The following GMPS variants were observed in gnomAD, a reference collection of about 807,000 sequenced individuals.
The protein encoded by GMPS is guanosine monophosphate synthase.
A neutral mutation model predicts 77.9 loss-of-function variants in GMPS; 15 were observed. The ratio of observed to expected loss-of-function variants is 0.19; its 90% confidence interval spans 0.13 to 0.30. The LOEUF (loss-of-function observed/expected upper bound fraction) is 0.30. GMPS is among the 10% of genes least tolerant of loss of function. The pLI is 1.00. For missense variants in GMPS, 590 were observed against 838.8 expected (o/e 0.70, Z 3.66); for synonymous variants, 224 against 275.9 (o/e 0.81, Z 1.86).
rs532196846 is a variant in GMPS at position 155,903,113 on chromosome 3, T to C, written c.325-750T>C. Among the ~76,000 whole-genome samples the C allele has an allele frequency of 2.4e-4, 37 of 152,344 alleles. 1 individual carries two copies. Among genetic ancestry groups the C allele is most frequent in the African/African-American group, 8.2e-4 (34 of 41,582 alleles). On this transcript the variant is annotated intron_variant, in intron 3 of 15. Transcript: ENST00000496455. ...GCATTACACATTGTTAAGGCAGATA[T>C]CTTCTGATATCTGTTGTGGAACAGA...
chr3:155,890,588 C>T (rs1754440669), intron 1 of GMPS, among the ~76,000 whole-genome samples: 1 of 152,230 alleles, frequency 6.6e-6, no homozygotes, highest in Admixed American at 6.5e-5. Flanking sequence ...TTAAACAGCA[C>T]TTCTCTGTGT....
At chr3:155,918,650 A>G (rs953336021) in intron 9 of GMPS, among the ~76,000 whole-genome samples, 2 of 152,184 alleles carry the variant, frequency 1.3e-5, no homozygotes, top group African/African-American at 4.8e-5. Flanking sequence ...GTTCGAGGAT[A>G]TAAGTGTAGG....
In GMPS at chr3:155,911,256, A is replaced by G. The variant is rs369699211; in HGVS notation, c.863A>G (p.Lys288Arg). The change falls in exon 7 of 16, where the codon AAA (lysine) becomes AGA (arginine). Residue 288 changes from lysine to arginine, a missense_variant. This residue lies in a region of GMPS where 181 missense variants were observed against 186.8 expected (regional missense o/e 0.97). Transcript: ENST00000496455. ...RESQSVEEAL[K>R]KLGIQVKVIN... The stretch of plus-strand genomic sequence containing the variant: ...AGCCAGTCTGTTGAAGAGGCCCTCA[A>G]AAAGCTTGGAATTCAGGTCAAAGGT... 37 of 1,608,876 alleles carry G rather than the reference A, an allele frequency of 2.3e-5. No individual in the cohort carries two copies. Among genetic ancestry groups the G allele is most frequent in the South Asian group, 4.5e-5 (4 of 89,712 alleles).
chr3:155,912,888 A>G (rs1207909251), intron 7 of GMPS, among the ~76,000 whole-genome samples: 1 of 152,160 alleles, frequency 6.6e-6, no homozygotes, highest in Non-Finnish European at 1.5e-5. Flanking sequence ...GGGTTAGCCT[A>G]AAACAGGGAT....
At chr3:155,922,643 TA>T (rs1225898250) in intron 11 of GMPS, among the ~76,000 whole-genome samples, 1 of 152,200 alleles carries the variant, frequency 6.6e-6, no homozygotes, top group Admixed American at 6.5e-5. Context: ...TGAGGACAGC[TA>T]CTAATCCTTT....
chr3:155,923,919 T>C (rs925222892), intron 11 of GMPS, among the ~76,000 whole-genome samples: 14 of 152,216 alleles, frequency 9.2e-5, no homozygotes, highest in African/African-American at 3.4e-4. Flanking sequence ...TTGCTCTTGT[T>C]GCCCAGGCTG....
intron 11 of GMPS, among the ~76,000 whole-genome samples, chr3:155,923,995 C>T (rs1239050833): frequency 2.6e-5 from 4 of 152,208 alleles, no homozygotes; most frequent in Non-Finnish European, 5.9e-5. Flanking sequence ...ATTCTCCTGC[C>T]TCAGCCTCCC....
intron 11 of GMPS, 36 bp downstream of exon 11, chr3:155,922,338 G>A (rs772264270): frequency 2.9e-5 from 24 of 820,156 alleles, no homozygotes; most frequent in Non-Finnish European, 4.4e-5. Context: ...ACAAGAAATT[G>A]AACGGATTCT....
At chr3:155,919,662 G>A (rs1355473715) in intron 10 of GMPS, among the ~76,000 whole-genome samples, 1 of 152,122 alleles carries the variant, frequency 6.6e-6, no homozygotes, top group South Asian at 2.1e-4. Flanking sequence ...AGTAGAGCTA[G>A]GATTTGTTAT....
Position 155,942,222 on chromosome 3 carries a change from G to T in GMPS, c.*4530G>T, listed in dbSNP as rs1446124922. On this transcript the variant is annotated 3_prime_UTR_variant, in exon 16 of 16. Coordinates refer to ENST00000496455, the MANE Select transcript of GMPS (RefSeq NM_003875.3). Reference sequence around the variant, plus strand: ...CTGCCTCAGTCTCCCGAGTAGCTGGGACTACAGGCGCCCGCCACTACGCCC... The same window carrying T: ...CTGCCTCAGTCTCCCGAGTAGCTGGTACTACAGGCGCCCGCCACTACGCCC... 5.5e-6 allele frequency: 1 copy of T among 181,586 alleles called. No homozygotes were observed. The highest frequency in any genetic ancestry group is 1.2e-5 in the Non-Finnish European group (1 of 85,304). The allele number at this position is 181,586 out of a possible 1,614,324, so 11.2% of individuals were successfully genotyped here. A position where few individuals can be genotyped will look rare whatever the true frequency, so the allele number is the denominator to read the frequency against.
intron 10 of GMPS, among the ~76,000 whole-genome samples, chr3:155,920,940 T>C (rs1755304627): frequency 6.6e-6 from 1 of 152,310 alleles, no homozygotes; most frequent in African/African-American, 2.4e-5. Flanking sequence ...TATCAACTTT[T>C]AAGTATTTGG....
intron 3 of GMPS, among the ~76,000 whole-genome samples, chr3:155,899,446 A>G (rs1191392097): frequency 7.4e-6 from 1 of 136,000 alleles, no homozygotes; most frequent in South Asian, 2.2e-4. Context: ...TTTTTTTTTC[A>G]ATTACTTTGT....
At chr3:155,929,922 GAAA>G (rs1385824533) in intron 12 of GMPS, among the ~76,000 whole-genome samples, 46 of 142,572 alleles carry the variant, frequency 3.2e-4, no homozygotes, top group Middle Eastern at 3.4e-3. Flanking sequence ...TCAATATCGT[GAAA>G]ATGGCCATAC....
chr3:155,943,248 ATTTG>A lies in GMPS; in HGVS notation c.*5559_*5562del, dbSNP rs995506279. 1 of 179,610 alleles carries A rather than the reference ATTTG, an allele frequency of 5.6e-6. No homozygotes were observed. The highest frequency in any genetic ancestry group is 1.2e-5 in the Non-Finnish European group (1 of 83,814). The allele number at this position is 179,610 out of a possible 1,614,324, so 11.1% of individuals were successfully genotyped here. ...CTCCGTCTTAAAACAAAAACAACAT[ATTTG>A]TTCACTTTTGAACCCTGTGGTGTCT... On this transcript the variant is annotated 3_prime_UTR_variant, in exon 16 of 16. Transcript: ENST00000496455.
Position 155,893,680 on chromosome 3 carries a change from A to T in GMPS, c.190A>T (p.Ile64Leu). The T allele has an allele frequency of 6.2e-7, 1 of 1,603,774 alleles. No homozygotes were observed. Among genetic ancestry groups the T allele is most frequent in the South Asian group, 1.1e-5 (1 of 90,192 alleles). Reference protein sequence around the residue: ...IFPLETPAFAIKEQGFRAIII... With the variant: ...IFPLETPAFALKEQGFRAIII... Reference sequence around the variant, plus strand: ...CCCCTTGGAAACACCAGCATTTGCTATAAAGGAACAAGGATTCCGGTAGAC... The same window carrying T: ...CCCCTTGGAAACACCAGCATTTGCTTTAAAGGAACAAGGATTCCGGTAGAC... The change falls in exon 2 of 16, where the codon ATA (isoleucine) becomes TTA (leucine). Residue 64 changes from isoleucine to leucine, a missense_variant. By Grantham distance (5) the Ile-to-Leu change is conservative. Coordinates refer to ENST00000496455, the MANE Select transcript of GMPS (RefSeq NM_003875.3).
intron 1 of GMPS, among the ~76,000 whole-genome samples, chr3:155,882,737 A>G (rs115452161): frequency 0.075 from 11,350 of 152,306 alleles, 548 homozygotes; most frequent in Middle Eastern, 0.19. Flanking sequence ...ATGGATGCTT[A>G]TATAAAACTT....
chr3:155,880,839 T>C (rs1754192684), intron 1 of GMPS, among the ~76,000 whole-genome samples: 2 of 152,194 alleles, frequency 1.3e-5, no homozygotes, highest in Admixed American at 6.5e-5. Context: ...AGGTTAATAG[T>C]GCTTCTCAGT....
intron 1 of GMPS, 69 bp from the exon 2 acceptor site, chr3:155,893,448 TA>T: frequency 2.0e-6 from 2 of 1,009,720 alleles, no homozygotes; most frequent in South Asian, 1.9e-5. Flanking sequence ...CAGTGATCAT[TA>T]ATTTTTTTTT....
intron 1 of GMPS, among the ~76,000 whole-genome samples, chr3:155,889,185 C>T (rs1754407507): frequency 6.6e-6 from 1 of 152,160 alleles, no homozygotes; most frequent in Admixed American, 6.5e-5. Flanking sequence ...AAAATTATGG[C>T]ACTTGTTTCC....
Sources: allele counts gnomAD v4.1 joint callset (sites outside exome capture counted in the v4.1 genomes callset), GRCh38; gene constraint gnomAD v4.1.1; regional missense constraint gnomAD v4.1.1; transcripts MANE v1.5; gene names NCBI Gene and HGNC (gene_info 2026-07-23, HGNC 2026-07-21).